FBXO8: variants seen among roughly 807,000 people sequenced by gnomAD.
FBXO8 encodes the protein F-box protein 8.
Under a neutral mutation model 33.4 loss-of-function variants are expected in FBXO8, and 15 were observed. The observed-to-expected ratio is 0.45, with a 90% CI of 0.30 to 0.69. The LOEUF (loss-of-function observed/expected upper bound fraction) is 0.69. FBXO8 is among the 30% of genes least tolerant of loss of function. The pLI is 0.08. For missense variants in FBXO8, 274 were observed against 380.3 expected (o/e 0.72, Z 2.32); for synonymous variants, 132 against 131.5 (o/e 1.00, Z -0.02).
Position 174,254,849 on chromosome 4 carries a change from C to A in FBXO8, c.456+4850G>T, listed in dbSNP as rs1408387998. Among the ~76,000 whole-genome samples, 1 of 152,098 alleles carries A rather than the reference C, an allele frequency of 6.6e-6. No homozygotes were observed. ...ATTACATCAGATAACTGCAAGTGAACAACAGGGTATTTCAACCATTCTAAA... is the reference window on the plus strand; with the variant it reads ...ATTACATCAGATAACTGCAAGTGAAAAACAGGGTATTTCAACCATTCTAAA... On this transcript the variant is annotated intron_variant, in intron 3 of 5. Coordinates refer to ENST00000393674, the MANE Select transcript of FBXO8 (RefSeq NM_012180.3). The surrounding 1 kb of genome is among the most constrained non-coding windows in gnomAD (Gnocchi z 4.2).
intron 1 of FBXO8, among the ~76,000 whole-genome samples, chr4:174,280,008 T>A (rs1737042339): frequency 6.6e-6 from 1 of 150,510 alleles, no homozygotes; most frequent in African/African-American, 2.4e-5. Flanking sequence ...TTATGAAAAT[T>A]AAAAAAAAAT....
At chr4:174,266,379 T>C (rs1050103223) in intron 1 of FBXO8, among the ~76,000 whole-genome samples, 2 of 152,348 alleles carry the variant, frequency 1.3e-5, no homozygotes, top group East Asian at 3.9e-4. Context: ...AATTGTCCCC[T>C]TGGGACTTTC....
intron 3 of FBXO8, among the ~76,000 whole-genome samples, chr4:174,250,609 G>A (rs1736264103): frequency 6.6e-6 from 1 of 152,008 alleles, no homozygotes; most frequent in African/African-American, 2.4e-5. Flanking sequence ...AGAAGAAAAC[G>A]TTATATAGTT....
intron 1 of FBXO8, among the ~76,000 whole-genome samples, chr4:174,264,203 CT>C (rs1307968701): frequency 6.6e-6 from 1 of 152,022 alleles, no homozygotes; most frequent in African/African-American, 2.4e-5. Flanking sequence ...TATAATGTGG[CT>C]TCAATTAACT....
At chr4:174,266,264 A>AATT (rs570828930) in intron 1 of FBXO8, among the ~76,000 whole-genome samples, 94 of 152,214 alleles carry the variant, frequency 6.2e-4, no homozygotes, top group African/African-American at 2.2e-3. Flanking sequence ...TAATAATAAT[A>AATT]ATGGGGAGGT....
chr4:174,275,887 T>C lies in FBXO8; in HGVS notation c.-9+7523A>G, dbSNP rs1202984875. On this transcript the variant is annotated intron_variant, in intron 1 of 5. Coordinates refer to ENST00000393674, the MANE Select transcript of FBXO8 (RefSeq NM_012180.3). This position sits in a 1 kb window ranked among gnomAD's most constrained non-coding sequence, Gnocchi z 4.4. Reference sequence around the variant, plus strand: ...CTAAATGATGTTTTGACCACTTACATAGGATATATAAACAACAGAGTAAGG... The same window carrying C: ...CTAAATGATGTTTTGACCACTTACACAGGATATATAAACAACAGAGTAAGG... Among the ~76,000 whole-genome samples the C allele has an allele frequency of 2.0e-5, 3 of 152,112 alleles. No individual in the cohort carries two copies. Among genetic ancestry groups the C allele is most frequent in the Admixed American group, 6.5e-5 (1 of 15,274 alleles).
intron 5 of FBXO8, among the ~76,000 whole-genome samples, chr4:174,238,330 C>T (rs1002755281): frequency 3.3e-5 from 5 of 151,806 alleles, no homozygotes; most frequent in Non-Finnish European, 5.9e-5. Flanking sequence ...GCTGATATTT[C>T]GGAATCCTGC....
rs1158778790 is a variant in FBXO8 at position 174,261,321 on chromosome 4, A to C, written c.329+1443T>G. 6.6e-6 allele frequency among the ~76,000 whole-genome samples: 1 copy of C among 151,984 alleles called. No individual in the cohort carries two copies. The highest frequency in any genetic ancestry group is 1.5e-5 in the Non-Finnish European group (1 of 67,846). On this transcript the variant is annotated intron_variant, in intron 2 of 5. Coordinates refer to ENST00000393674, the MANE Select transcript of FBXO8 (RefSeq NM_012180.3). This position sits in a 1 kb window ranked among gnomAD's most constrained non-coding sequence, Gnocchi z 4.1. Reference sequence around the variant, plus strand: ...TTCAAATAGAAGCAATTTATTATTAAGGAAAAAATCCAAGTATTATAAAAA... The same window carrying C: ...TTCAAATAGAAGCAATTTATTATTACGGAAAAAATCCAAGTATTATAAAAA...
rs190575039 is a variant in FBXO8, at chr4:174,270,956, G to A, written c.-8-7856C>T. Among the ~76,000 whole-genome samples the A allele has an allele frequency of 3.9e-5, 6 of 152,260 alleles. No homozygotes were observed. In the East Asian group the frequency reaches 1.2e-3, roughly 29 times the overall value. On this transcript the variant is annotated intron_variant, in intron 1 of 5. Transcript: ENST00000393674. This position sits in a 1 kb window ranked among gnomAD's most constrained non-coding sequence, Gnocchi z 4.6. ...CATGACCATGATTTGCAATTTGTAA[G>A]ATATCAATTGGACAGGAAACAGAAG...
Position 174,257,862 on chromosome 4 carries a change from C to A in FBXO8, c.456+1837G>T, listed in dbSNP as rs1435487352. 6.6e-6 allele frequency among the ~76,000 whole-genome samples: 1 copy of A among 151,794 alleles called. No individual in the cohort carries two copies. The highest frequency in any genetic ancestry group is 1.5e-5 in the Non-Finnish European group (1 of 67,954). ...ACCTCAGCCTCCGGAGTAGCTGGGA[C>A]CACAAGAATGCACCACAATGCCTAG... On this transcript the variant is annotated intron_variant, in intron 3 of 5. Transcript: ENST00000393674. The surrounding 1 kb of genome is among the most constrained non-coding windows in gnomAD (Gnocchi z 4.3).
chr4:174,245,856 A>G lies in FBXO8; in HGVS notation c.457-4638T>C, dbSNP rs1465407948. Among the ~76,000 whole-genome samples, 1 of 151,948 alleles carries G rather than the reference A, an allele frequency of 6.6e-6. No homozygotes were observed. The highest frequency in any genetic ancestry group is 2.4e-5 in the African/African-American group (1 of 41,400). On this transcript the variant is annotated intron_variant, in intron 3 of 5. Coordinates refer to ENST00000393674, the MANE Select transcript of FBXO8 (RefSeq NM_012180.3). This position sits in a 1 kb window ranked among gnomAD's most constrained non-coding sequence, Gnocchi z 4.6. ...GACAGTGAAAAGTGAAAGACAGCTG[A>G]TGGTTCTGGCTTAGATGAAGAGGGA...
intron 3 of FBXO8, among the ~76,000 whole-genome samples, chr4:174,248,085 T>G (rs565637628): frequency 6.6e-6 from 1 of 152,196 alleles, no homozygotes; most frequent in East Asian, 1.9e-4. Flanking sequence ...GAAGATTTCT[T>G]AATTAGTATG....
intron 1 of FBXO8, chr4:174,269,309 A>G (rs955751959): frequency 3.3e-5 from 5 of 149,522 alleles, no homozygotes; most frequent in African/African-American, 1.2e-4. Context: ...TTCCTTTCCA[A>G]GGAAATAAAA....
intron 5 of FBXO8, among the ~76,000 whole-genome samples, chr4:174,238,027 T>C (rs1364825959): frequency 6.6e-6 from 1 of 152,028 alleles, no homozygotes; most frequent in South Asian, 2.1e-4. Flanking sequence ...AAAAAATTTA[T>C]ATAGAATGCT....
intron 1 of FBXO8, among the ~76,000 whole-genome samples, chr4:174,266,637 A>T (rs1736702418): frequency 6.6e-6 from 1 of 152,140 alleles, no homozygotes; most frequent in Non-Finnish European, 1.5e-5. Context: ...TCATGGAGGG[A>T]GTATAGTGGT....
rs1270783343 is a variant in FBXO8, at chr4:174,277,525, G to A, written c.-9+5885C>T. ...TTTGGGCATATAAAATCTACACAGGGAAAGATGGCAAGAATAGAAAGGAGT... is the reference window on the plus strand; with the variant it reads ...TTTGGGCATATAAAATCTACACAGGAAAAGATGGCAAGAATAGAAAGGAGT... On this transcript the variant is annotated intron_variant, in intron 1 of 5. Transcript: ENST00000393674. The surrounding 1 kb of genome is among the most constrained non-coding windows in gnomAD (Gnocchi z 4.9). 6.6e-6 allele frequency among the ~76,000 whole-genome samples: 1 copy of A among 152,116 alleles called. No homozygotes were observed. Among genetic ancestry groups the A allele is most frequent in the East Asian group, 1.9e-4 (1 of 5,198 alleles).
In FBXO8 at chr4:174,262,984, T is replaced by G; in HGVS notation, c.109A>C (p.Asn37His). Residue 37 changes from asparagine (N) to histidine (H), a missense_variant, in exon 2 of 6, where the codon AAC (asparagine) becomes CAC (histidine). Around this residue, in one of 2 missense-constraint regions of FBXO8, gnomAD observed 88 missense variants for 86.9 expected, o/e 1.01. Transcript: ENST00000393674. This position sits in a 1 kb window ranked among gnomAD's most constrained non-coding sequence, Gnocchi z 4.6. ...REQSRRMAAS[N>H]ISNTNHRKQV... ...TTACGATGATTGGTGTTAGAAATGTTGCTCGCAGCCATTCTCCTGCTCTGC... is the reference window on the plus strand; with the variant it reads ...TTACGATGATTGGTGTTAGAAATGTGGCTCGCAGCCATTCTCCTGCTCTGC... 1 of 1,614,072 alleles carries G rather than the reference T, an allele frequency of 6.2e-7. No individual in the cohort carries two copies. The highest frequency in any genetic ancestry group is 8.5e-7 in the Non-Finnish European group (1 of 1,179,934).
At position 174,283,559 on chromosome 4, in the gene FBXO8, A is replaced by C. The variant is rs544536444; in HGVS notation, c.-158T>G. 1 of 232,470 alleles carries C rather than the reference A, an allele frequency of 4.3e-6. No homozygotes were observed. Among genetic ancestry groups the C allele is most frequent in the African/African-American group, 2.2e-5 (1 of 44,600 alleles). 14.4% of individuals were successfully genotyped at this position (232,470 alleles called of 1,614,324 possible). On this transcript the variant is annotated 5_prime_UTR_variant, in exon 1 of 6. Coordinates refer to ENST00000393674, the MANE Select transcript of FBXO8 (RefSeq NM_012180.3). This position sits in a 1 kb window ranked among gnomAD's most constrained non-coding sequence, Gnocchi z 6.7. ...TTACTTGTCCACACCGGTAGAGGTG[A>C]CCGCGATGAGAATACCAGAAACAGC...
In FBXO8 at chr4:174,237,284, G is replaced by A. The variant is rs934807583; in HGVS notation, c.*128C>T. The A allele has an allele frequency of 3.0e-6, 2 of 671,612 alleles. No individual in the cohort carries two copies. Among genetic ancestry groups the A allele is most frequent in the Non-Finnish European group, 2.4e-6 (1 of 422,718 alleles). The allele number at this position is 671,612 out of a possible 1,614,324, so 41.6% of individuals were successfully genotyped here. On this transcript the variant is annotated 3_prime_UTR_variant, in exon 6 of 6. Transcript: ENST00000393674. The surrounding 1 kb of genome is among the most constrained non-coding windows in gnomAD (Gnocchi z 4.4). ...AATAGAAAATGGCAAAAGAAAAAAAGGTTGCACACTGAAGCTTGATTGTAT... is the reference window on the plus strand; with the variant it reads ...AATAGAAAATGGCAAAAGAAAAAAAAGTTGCACACTGAAGCTTGATTGTAT...
Sources: allele counts gnomAD v4.1 joint callset (sites outside exome capture counted in the v4.1 genomes callset), GRCh38; gene constraint gnomAD v4.1.1; regional missense constraint gnomAD v4.1.1; non-coding constraint Gnocchi (gnomAD v3.1); transcripts MANE v1.5; gene names NCBI Gene and HGNC (gene_info 2026-07-23, HGNC 2026-07-21).